DST: variants seen among roughly 807,000 people sequenced by gnomAD.
The protein encoded by DST is dystonin, also known as bullous pemphigoid antigen.
A neutral mutation model predicts 875.2 loss-of-function variants in DST; 253 were observed. The observed-to-expected ratio is 0.29, with a 90% CI of 0.26 to 0.32. The LOEUF (loss-of-function observed/expected upper bound fraction) is 0.32, where lower values mean the gene tolerates loss of function less well. Among genes scored for constraint, DST ranks in the 10% least tolerant of loss-of-function variants. DST has a pLI of 1.00. For missense variants in DST, 8,287 were observed against 9,111.6 expected, an observed-to-expected ratio of 0.91 and a Z score of 3.68; for synonymous variants, 3,124 against 3,197.1, an observed-to-expected ratio of 0.98 and a Z score of 0.77.
chr6:56,872,832 C>CTTTT (rs1554220821), intron 3 of DST, among the ~76,000 whole-genome samples: 10 of 127,860 alleles, frequency 7.8e-5, no homozygotes, highest in African/African-American at 2.8e-4. Context: ...TCCCCCCCCC[C>CTTTT]TTTTTTTTTT....
At chr6:56,473,511 G>A (rs187331106) in intron 93 of DST, among the ~76,000 whole-genome samples, 53 of 152,148 alleles carry the variant, frequency 3.5e-4, no homozygotes, top group Admixed American at 3.9e-4. Flanking sequence ...GATTATCCAC[G>A]TCATGGTCAT....
chr6:56,702,097 T>C (rs2099310950), intron 7 of DST, 132 bp from the exon 8 acceptor site: 2 of 538,678 alleles, frequency 3.7e-6, no homozygotes, highest in Non-Finnish European at 3.3e-6. Context: ...TAAGATTTTC[T>C]AAGAAGGTTT....
chr6:56,560,723 A>C (rs2097525163), intron 57 of DST, among the ~76,000 whole-genome samples: 1 of 152,158 alleles, frequency 6.6e-6, no homozygotes, highest in Non-Finnish European at 1.5e-5. Context: ...ATAAAGCAAG[A>C]TGATATCAGT....
intron 39 of DST, among the ~76,000 whole-genome samples, chr6:56,610,201 C>A (rs552193804): frequency 6.6e-6 from 1 of 152,204 alleles, no homozygotes; most frequent in African/African-American, 2.4e-5. Flanking sequence ...TTTTCTTTTA[C>A]CATGCAAGGC....
In DST at chr6:56,470,781, A is replaced by AACACACACAC. The variant is rs67009040; in HGVS notation, c.22321+315_22321+324dup. Among the ~76,000 whole-genome samples the AACACACACAC allele has an allele frequency of 3.7e-3, 530 of 141,536 alleles. 3 individuals carry two copies. Among genetic ancestry groups the AACACACACAC allele is most frequent in the African/African-American group, 9.2e-3 (351 of 38,322 alleles). The allele number at this position is 141,536 out of a possible 152,430, so 92.9% of individuals were successfully genotyped here. A position where few individuals can be genotyped will look rare whatever the true frequency, so the allele number is the denominator to read the frequency against. On this transcript the variant is annotated intron_variant, in intron 95 of 103. Coordinates refer to ENST00000680361, the MANE Select transcript of DST (RefSeq NM_001374736.1). ...ACTTCCTATTACACATATGCCAGGC[A>AACACACACAC]ACACACACACACACACACACACACA...
chr6:56,611,672 TAATC>T (rs2098546436), intron 37 of DST, 76 bp from the exon 38 acceptor site: 3 of 1,070,300 alleles, frequency 2.8e-6, no homozygotes, highest in Non-Finnish European at 4.1e-6. Context: ...AAAAAGAAAT[TAATC>T]AAGCTTTAGT....
rs986659037 is a variant in DST, at chr6:56,616,309, C to A, written c.4930-1825G>T. The stretch of plus-strand genomic sequence containing the variant: ...TATCAGTCAGCATATGAGAAGAATG[C>A]CCATAGGATTCAAAAAACATAGCTT... On this transcript the variant is annotated intron_variant, in intron 36 of 103. Coordinates refer to ENST00000680361, the MANE Select transcript of DST (RefSeq NM_001374736.1). The A allele has an allele frequency of 2.5e-6, 4 of 1,613,774 alleles. No individual in the cohort carries two copies. The highest frequency in any genetic ancestry group is 1.1e-5 in the South Asian group (1 of 91,072).
intron 15 of DST, chr6:56,642,958 A>G: frequency 1.4e-6 from 2 of 1,416,342 alleles, no homozygotes; most frequent in Non-Finnish European, 1.9e-6. Flanking sequence ...AGCAAATAAT[A>G]TGCTGATAAC....
rs966512494 is a variant in DST at position 56,616,981 on chromosome 6, T to C, written c.4930-2497A>G. On this transcript the variant is annotated intron_variant, in intron 36 of 103. Transcript: ENST00000680361. ...AAAATGCCAAAGCCACCATTTTGTC[T>C]ATTATGATTCTCTCGGCCGCTGAGG... 13 of 1,607,552 alleles carry C rather than the reference T, an allele frequency of 8.1e-6. No individual in the cohort carries two copies. Among genetic ancestry groups the C allele is most frequent in the Non-Finnish European group, 1.1e-5 (13 of 1,176,300 alleles).
chr6:56,557,759 G>A (rs1047283431), intron 58 of DST, among the ~76,000 whole-genome samples: 3 of 152,064 alleles, frequency 2.0e-5, no homozygotes, highest in Admixed American at 6.6e-5. Context: ...GTAGAATATC[G>A]AATATTCATT....
At chr6:56,865,655 C>A (rs905191355) in intron 3 of DST, among the ~76,000 whole-genome samples, 14 of 152,068 alleles carry the variant, frequency 9.2e-5, no homozygotes, top group African/African-American at 2.9e-4. Context: ...CATGCTCAGC[C>A]TTGCTTCCCT....
At chr6:56,719,882 C>G (rs1384188715) in intron 5 of DST, among the ~76,000 whole-genome samples, 1 of 152,140 alleles carries the variant, frequency 6.6e-6, no homozygotes, top group Non-Finnish European at 1.5e-5. Flanking sequence ...AGATCACGTA[C>G]TTCACAAGGT....
chr6:56,601,698 C>T (rs891025791), intron 43 of DST, 22 bp from the exon 44 acceptor site: 17 of 1,398,634 alleles, frequency 1.2e-5, no homozygotes, highest in African/African-American at 1.2e-4. Flanking sequence ...GTAGTACAAG[C>T]TATCAGTAGA....
At chr6:56,474,731 A>G (rs2095079489) in intron 92 of DST, among the ~76,000 whole-genome samples, 1 of 152,070 alleles carries the variant, frequency 6.6e-6, no homozygotes, top group Admixed American at 6.6e-5. Flanking sequence ...TCTGTGGCAC[A>G]TTTCACCTAC....
At chr6:56,626,464 GGT>G (rs1052931975) in intron 34 of DST, among the ~76,000 whole-genome samples, 1 of 152,144 alleles carries the variant, frequency 6.6e-6, no homozygotes, top group Non-Finnish European at 1.5e-5. Flanking sequence ...ATGCTGTACA[GGT>G]TTATAGTCTA....
At chr6:56,894,257 G>GT (rs1789574500) in intron 3 of DST, among the ~76,000 whole-genome samples, 1 of 50,244 alleles carries the variant, frequency 2.0e-5, no homozygotes, top group Admixed American at 1.4e-4. Flanking sequence ...CCCGGACGGG[G>GT]CGGCTGGCCA....
At chr6:56,649,305 T>C (rs1490633220) in intron 12 of DST, among the ~76,000 whole-genome samples, 1 of 152,216 alleles carries the variant, frequency 6.6e-6, no homozygotes, top group Non-Finnish European at 1.5e-5. Context: ...GTGTTGAGTG[T>C]TATAATAAAA....
At chr6:56,681,427 C>T (rs2099156868) in intron 9 of DST, among the ~76,000 whole-genome samples, 1 of 152,210 alleles carries the variant, frequency 6.6e-6, no homozygotes, top group South Asian at 2.1e-4. Flanking sequence ...ATATGTACCA[C>T]TCTCTACCCA....
intron 80 of DST, among the ~76,000 whole-genome samples, chr6:56,498,440 C>T (rs564646060): frequency 6.6e-6 from 1 of 152,226 alleles, no homozygotes; most frequent in Non-Finnish European, 1.5e-5. Context: ...AAATTTGCAA[C>T]CTTCCTGGAT....
Sources: allele counts gnomAD v4.1 joint callset (sites outside exome capture counted in the v4.1 genomes callset), GRCh38; gene constraint gnomAD v4.1.1; transcripts MANE v1.5; gene names NCBI Gene and HGNC (gene_info 2026-07-23, HGNC 2026-07-21).